Variants in DNAH6 observed in about 807,000 individuals in gnomAD.
The protein encoded by DNAH6 is dynein axonemal heavy chain 6, also known as axonemal beta dynein heavy chain 6.
In DNAH6, 340 loss-of-function variants were observed where a neutral mutation model predicts 491.4. The ratio of observed to expected loss-of-function variants is 0.69; its 90% CI spans 0.63 to 0.76. DNAH6 has a LOEUF of 0.76. Ranked by LOEUF, DNAH6 falls within the 30% of genes least tolerant of loss-of-function variation. The pLI is 0.00. For missense variants in DNAH6, 4,443 were observed against 4,972.2 expected (o/e 0.89, Z 3.20); for synonymous variants, 1,603 against 1,686.1 (o/e 0.95, Z 1.21).
chr2:84,605,029 C>T (rs990487035), intron 19 of DNAH6, among the ~76,000 whole-genome samples: 4 of 152,096 alleles, frequency 2.6e-5, no homozygotes, highest in African/African-American at 9.7e-5. Context: ...TTAGTGTCAT[C>T]TATCCAAGAA....
Position 84,814,428 on chromosome 2 carries a change from C to T in DNAH6, c.12150+306C>T, listed in dbSNP as rs537315178. 9.2e-5 allele frequency among the ~76,000 whole-genome samples: 14 copies of T among 152,270 alleles called. No homozygotes were observed. In the South Asian group the frequency reaches 1.0e-3, roughly 11 times the overall value. On this transcript the variant is annotated intron_variant, in intron 75 of 76. Coordinates refer to ENST00000389394, the MANE Select transcript of DNAH6 (RefSeq NM_001370.2). Reference sequence around the variant, plus strand: ...GAAGTTAAAAGCAAGGGTTTAAAAACGAGAGAAGCCTGAGTTTGAATTCTG... The same window carrying T: ...GAAGTTAAAAGCAAGGGTTTAAAAATGAGAGAAGCCTGAGTTTGAATTCTG...
At chr2:84,514,867 T>TCAGACACACACA (rs1675483737), upstream of DNAH6, among the ~76,000 whole-genome samples, 1 of 139,006 alleles carries the variant, frequency 7.2e-6, no homozygotes, top group Non-Finnish European at 1.5e-5. Flanking sequence ...TTCACCACAG[T>TCAGACACACACA]CACACACACA....
intron 44 of DNAH6, among the ~76,000 whole-genome samples, chr2:84,687,098 C>G (rs1694336235): frequency 6.6e-6 from 1 of 152,154 alleles, no homozygotes; most frequent in Admixed American, 6.5e-5. Context: ...ATATATTTAA[C>G]TTCCTTTTAT....
intron 29 of DNAH6, among the ~76,000 whole-genome samples, 183 bp downstream of exon 29, chr2:84,625,246 G>T (rs1156780673): frequency 6.6e-6 from 1 of 152,088 alleles, no homozygotes; most frequent in Non-Finnish European, 1.5e-5. Context: ...TGGTGGTCTG[G>T]GTAGTCTGGA....
At chr2:84,817,435 C>T (rs1573899745) in intron 76 of DNAH6, among the ~76,000 whole-genome samples, 1 of 152,262 alleles carries the variant, frequency 6.6e-6, no homozygotes, top group East Asian at 1.9e-4. Context: ...CATACAGAGG[C>T]GCTAAATTAA....
chr2:84,784,866 C>T (rs1037858674), intron 66 of DNAH6, 56 bp downstream of exon 66: 4 of 1,236,750 alleles, frequency 3.2e-6, no homozygotes, highest in African/African-American at 3.0e-5. Context: ...GAATATTCAC[C>T]TAGTGCCTCC....
Position 84,704,231 on chromosome 2 carries a change from C to G in DNAH6, c.8394C>G (p.Ile2798Met). Reference sequence around the variant, plus strand: ...TAGATAAGGCAGATATATCTGAAATCAGAGTTTTTACAAAGCCCCCAGATT... The same window carrying G: ...TAGATAAGGCAGATATATCTGAAATGAGAGTTTTTACAAAGCCCCCAGATT... ...DSLDKADISE[I>M]RVFTKPPDLV... Residue 2798 changes from isoleucine (I) to methionine (M), a missense_variant, in exon 51 of 77, where the codon ATC becomes ATG. Around this residue, in one of 3 missense-constraint regions of DNAH6, gnomAD observed 1,463 missense variants for 1,656.6 expected, o/e 0.88. Coordinates refer to ENST00000389394, the MANE Select transcript of DNAH6 (RefSeq NM_001370.2). 1 of 1,551,790 alleles carries G rather than the reference C, an allele frequency of 6.4e-7. No individual in the cohort carries two copies. Among genetic ancestry groups the G allele is most frequent in the South Asian group, 1.2e-5 (1 of 84,060 alleles).
At chr2:84,464,076 T>C in the DNAH6 span, among the ~76,000 whole-genome samples, 1 of 152,210 alleles carries the variant, frequency 6.6e-6, no homozygotes, top group Non-Finnish European at 1.5e-5. Flanking sequence ...GTGGATGTAG[T>C]GTAAGGAGTA....
chr2:84,810,961 G>C (rs573009829), intron 72 of DNAH6, among the ~76,000 whole-genome samples: 1 of 152,250 alleles, frequency 6.6e-6, no homozygotes, highest in African/African-American at 2.4e-5. Flanking sequence ...ATCATTTTTT[G>C]TGTTCTCTCT....
rs570531757 is a variant in DNAH6, at chr2:84,805,287, G to A, written c.11482-378G>A. 1.6e-3 allele frequency among the ~76,000 whole-genome samples: 238 copies of A among 152,192 alleles called. 2 individuals carry two copies. Among genetic ancestry groups the A allele is most frequent in the African/African-American group, 5.1e-3 (213 of 41,520 alleles). ...AGCCAGTCACAAAAAGACAAATACT[G>A]CATGATTTAACTTTTATGGAGTTAT... On this transcript the variant is annotated intron_variant, in intron 70 of 76. Coordinates refer to ENST00000389394, the MANE Select transcript of DNAH6 (RefSeq NM_001370.2).
In DNAH6 at chr2:84,649,333, C is replaced by T. The variant is rs866891219; in HGVS notation, c.5079-3986C>T. ...TTAAGTTTCACAATGAATGGTAATA[C>T]GATGTTCATAATAGGAGCTCATATT... On this transcript the variant is annotated intron_variant, in intron 33 of 76. Coordinates refer to ENST00000389394, the MANE Select transcript of DNAH6 (RefSeq NM_001370.2). Among the ~76,000 whole-genome samples the T allele has an allele frequency of 1.1e-4, 17 of 152,230 alleles. No homozygotes were observed. The East Asian group carries it at 1.5e-3, about 14-fold the overall frequency.
rs1377728088 is a variant in DNAH6 at position 84,681,338 on chromosome 2, A to G, written c.6745-19A>G. ...TTTAAAATAAATCTAATCCTCTCAT[A>G]TTATGTTTCTGGTTCTAGGCCATCT... On this transcript the variant is annotated intron_variant, in intron 41 of 76. Coordinates refer to ENST00000389394, the MANE Select transcript of DNAH6 (RefSeq NM_001370.2). 2 of 1,507,384 alleles carry G rather than the reference A, an allele frequency of 1.3e-6. No individual in the cohort carries two copies. Among genetic ancestry groups the G allele is most frequent in the African/African-American group, 1.4e-5 (1 of 71,124 alleles). The allele number at this position is 1,507,384 out of a possible 1,614,324, so 93.4% of individuals were successfully genotyped here. A position where few individuals can be genotyped will look rare whatever the true frequency, so the allele number is the denominator to read the frequency against.
chr2:84,695,075 T>C (rs1047050757), intron 46 of DNAH6, among the ~76,000 whole-genome samples: 3 of 152,090 alleles, frequency 2.0e-5, no homozygotes, highest in African/African-American at 7.2e-5. Flanking sequence ...CAGAATTAAA[T>C]ACAAAGAAAA....
At chr2:84,558,419 A>G (rs984880415) in intron 11 of DNAH6, among the ~76,000 whole-genome samples, 9 of 149,720 alleles carry the variant, frequency 6.0e-5, no homozygotes, top group Middle Eastern at 3.4e-3. Flanking sequence ...GCGAGACTCC[A>G]TCTAAAAAAA....
intron 39 of DNAH6, 58 bp downstream of exon 39, chr2:84,670,533 CATAA>C (rs1692628572): frequency 8.9e-7 from 1 of 1,124,818 alleles, no homozygotes; most frequent in African/African-American, 1.6e-5. Context: ...TAATAAATGA[CATAA>C]ATAGTGCATG....
At chr2:84,709,938 C>G (rs1240079914) in intron 55 of DNAH6, among the ~76,000 whole-genome samples, 1 of 152,182 alleles carries the variant, frequency 6.6e-6, no homozygotes, top group Admixed American at 6.5e-5. Flanking sequence ...TTACGGTTGA[C>G]AGCATCCCAT....
chr2:84,660,421 A>G (rs1258145278), intron 37 of DNAH6, among the ~76,000 whole-genome samples: 2 of 152,226 alleles, frequency 1.3e-5, no homozygotes, highest in Non-Finnish European at 2.9e-5. Context: ...GTAAATAAGT[A>G]GAGAAGAAAG....
chr2:84,670,291 T>C (rs1230558393), intron 38 of DNAH6, 37 bp from the exon 39 acceptor site: 5 of 1,373,620 alleles, frequency 3.6e-6, no homozygotes, highest in Non-Finnish European at 5.0e-6. Flanking sequence ...AAAGAGGTTA[T>C]ATTCATGTGA....
chr2:84,669,624 A>C, intron 38 of DNAH6, 114 bp downstream of exon 38: 1 of 918,176 alleles, frequency 1.1e-6, no homozygotes, highest in Non-Finnish European at 1.7e-6. Flanking sequence ...TTTAGCGTTT[A>C]GCACTTTTGC....
Sources: gnomAD v4.1 joint callset for allele counts (sites outside exome capture counted in the v4.1 genomes callset) on GRCh38, gnomAD v4.1.1 for gene constraint, gnomAD v4.1.1 regional missense constraint, MANE v1.5 for transcripts, NCBI Gene and HGNC (gene_info 2026-07-23, HGNC 2026-07-21) for gene names.